The following HTR1F variants were observed in gnomAD, a reference collection of about 807,000 sequenced individuals.
HTR1F encodes 5-hydroxytryptamine (serotonin) receptor 1F, G protein-coupled.
HTR1F carries 17 observed loss-of-function variants against 24.0 expected under a neutral mutation model. The ratio of observed to expected loss-of-function variants is 0.71; its 90% confidence interval spans 0.48 to 1.06. The LOEUF (loss-of-function observed/expected upper bound fraction) is 1.06, where lower values mean the gene tolerates loss of function less well. Among genes scored for constraint, HTR1F ranks in the 50% least tolerant of loss-of-function variants. The pLI, the probability that HTR1F is intolerant of heterozygous loss-of-function variation, is 0.00. For synonymous variants in HTR1F, 186 were observed against 156.8 expected, an observed-to-expected ratio of 1.19 and a Z score of -1.39; for missense variants, 391 against 427.8, an observed-to-expected ratio of 0.91 and a Z score of 0.76.
chr3:87,887,513 G>C lies in HTR1F; in HGVS notation c.-43+65389G>C, dbSNP rs550496521. 3.9e-5 allele frequency among the ~76,000 whole-genome samples: 6 copies of C among 152,208 alleles called. No individual in the cohort carries two copies. The South Asian group carries it at 6.2e-4, about 16-fold the overall frequency. Reference sequence around the variant, plus strand: ...ACTAAAGAGCTTCTGCACAGCAAAAGAAACTACCATCAGAGTGAACAGGCA... The same window carrying C: ...ACTAAAGAGCTTCTGCACAGCAAAACAAACTACCATCAGAGTGAACAGGCA... On this transcript the variant is annotated intron_variant, in intron 2 of 2. Transcript: ENST00000319595.
At chr3:87,817,550 G>A (rs963842394) in intron 1 of HTR1F, among the ~76,000 whole-genome samples, 11 of 152,088 alleles carry the variant, frequency 7.2e-5, no homozygotes, top group Admixed American at 2.0e-4. Flanking sequence ...AAACAGTCGG[G>A]AATACTACAC....
chr3:87,828,892 C>A (rs1411340285), intron 2 of HTR1F, among the ~76,000 whole-genome samples: 1 of 152,148 alleles, frequency 6.6e-6, no homozygotes, highest in Non-Finnish European at 1.5e-5. Flanking sequence ...CCAAATCCAT[C>A]CCTTCCCAAT....
At chr3:87,884,965 T>G (rs1210267594) in intron 2 of HTR1F, among the ~76,000 whole-genome samples, 3 of 152,160 alleles carry the variant, frequency 2.0e-5, no homozygotes, top group Non-Finnish European at 4.4e-5. Context: ...ATCCAGGACT[T>G]GAACTCAGCT....
At chr3:87,860,831 T>A (rs961736963) in intron 2 of HTR1F, among the ~76,000 whole-genome samples, 1 of 152,146 alleles carries the variant, frequency 6.6e-6, no homozygotes, top group Non-Finnish European at 1.5e-5. Context: ...CAAAAGAGAA[T>A]GCCAAAGTGA....
chr3:87,958,404 G>C (rs528816760), intron 2 of HTR1F, among the ~76,000 whole-genome samples: 59 of 151,598 alleles, frequency 3.9e-4, no homozygotes, highest in African/African-American at 1.4e-3. Context: ...GTGACTGTCT[G>C]TCTCTCTTTA....
rs1704530965 is a variant in HTR1F, at chr3:87,940,054, G to C, written c.-42-50654G>C. On this transcript the variant is annotated intron_variant, in intron 2 of 2. Transcript: ENST00000319595. ...CTTTAGATGTGTCCCAGAGATTCTGGTACATTGTGTCTTTGTTCTCATTGG... is the reference window on the plus strand; with the variant it reads ...CTTTAGATGTGTCCCAGAGATTCTGCTACATTGTGTCTTTGTTCTCATTGG... Among the ~76,000 whole-genome samples, 3 of 152,116 alleles carry C rather than the reference G, an allele frequency of 2.0e-5. No individual in the cohort carries two copies. The South Asian group carries it at 6.2e-4, about 32-fold the overall frequency.
chr3:87,985,482 T>C (rs1008855312), intron 2 of HTR1F, among the ~76,000 whole-genome samples: 2 of 152,262 alleles, frequency 1.3e-5, no homozygotes, highest in Non-Finnish European at 2.9e-5. Flanking sequence ...GTTGTCATTG[T>C]AGAGATTATT....
chr3:87,868,867 A>T (rs1026409164), intron 2 of HTR1F, among the ~76,000 whole-genome samples: 17 of 152,078 alleles, frequency 1.1e-4, no homozygotes, highest in African/African-American at 3.9e-4. Flanking sequence ...CTAGTCAATT[A>T]TCTGAACATT....
intron 2 of HTR1F, among the ~76,000 whole-genome samples, chr3:87,916,832 A>G (rs1703906122): frequency 6.6e-6 from 1 of 152,088 alleles, no homozygotes; most frequent in South Asian, 2.1e-4. Context: ...CAAAGAAACA[A>G]TGTATTTAAA....
At chr3:87,954,717 C>T (rs952423484) in intron 2 of HTR1F, among the ~76,000 whole-genome samples, 1 of 151,450 alleles carries the variant, frequency 6.6e-6, no homozygotes, top group Non-Finnish European at 1.5e-5. Flanking sequence ...ATTTTAAATA[C>T]TGATATAAAC....
intron 2 of HTR1F, among the ~76,000 whole-genome samples, chr3:87,898,541 GATTCA>G (rs1468163456): frequency 6.6e-6 from 1 of 152,006 alleles, no homozygotes; most frequent in Admixed American, 6.6e-5. Flanking sequence ...ACTGTAATAT[GATTCA>G]ATTCTTCTCT....
At chr3:87,934,220 A>G (rs781310588) in intron 2 of HTR1F, among the ~76,000 whole-genome samples, 1 of 152,238 alleles carries the variant, frequency 6.6e-6, no homozygotes, top group African/African-American at 2.4e-5. Flanking sequence ...AGAATGAAAG[A>G]GAAAGATGGT....
chr3:87,925,290 G>T (rs1297908925), intron 2 of HTR1F, among the ~76,000 whole-genome samples: 1 of 152,096 alleles, frequency 6.6e-6, no homozygotes, highest in African/African-American at 2.4e-5. Context: ...GACTCTAGGG[G>T]GCACATACAA....
At chr3:87,977,586 C>CTT (rs750797326) in intron 2 of HTR1F, among the ~76,000 whole-genome samples, 3 of 141,102 alleles carry the variant, frequency 2.1e-5, no homozygotes, top group Non-Finnish European at 4.6e-5. Context: ...TTTTTTTTTT[C>CTT]TTTTTTTTTG....
intron 2 of HTR1F, among the ~76,000 whole-genome samples, chr3:87,860,453 A>G (rs997264874): frequency 6.6e-6 from 1 of 152,192 alleles, no homozygotes; most frequent in African/African-American, 2.4e-5. Context: ...GAACTCTGAC[A>G]CTAGGCCACA....
intron 2 of HTR1F, among the ~76,000 whole-genome samples, chr3:87,951,878 T>C (rs1704842392): frequency 6.6e-6 from 1 of 152,082 alleles, no homozygotes; most frequent in African/African-American, 2.4e-5. Flanking sequence ...ACTGACTCAA[T>C]AGTTTTGCCT....
intron 2 of HTR1F, among the ~76,000 whole-genome samples, chr3:87,934,764 C>T (rs1374130519): frequency 1.3e-5 from 2 of 152,188 alleles, no homozygotes; most frequent in Admixed American, 1.3e-4. Flanking sequence ...ATCTTCACAT[C>T]ACCCCCAAGA....
At chr3:87,904,918 AG>A (rs1445033574) in intron 2 of HTR1F, among the ~76,000 whole-genome samples, 1 of 152,052 alleles carries the variant, frequency 6.6e-6, no homozygotes, top group Non-Finnish European at 1.5e-5. Context: ...GCCTGATCTG[AG>A]GGGTGGTTTA....
chr3:87,857,588 T>G (rs1705223495), intron 2 of HTR1F, among the ~76,000 whole-genome samples: 1 of 152,130 alleles, frequency 6.6e-6, no homozygotes, highest in Non-Finnish European at 1.5e-5. Context: ...TTAAAGACTT[T>G]TTTTTTAGAG....
Sources: gnomAD v4.1 joint callset for allele counts (sites outside exome capture counted in the v4.1 genomes callset) on GRCh38, gnomAD v4.1.1 for gene constraint, MANE v1.5 for transcripts, NCBI Gene and HGNC (gene_info 2026-07-23, HGNC 2026-07-21) for gene names.